Variants in FGF12 observed in about 807,000 individuals in gnomAD.
The protein encoded by FGF12 is fibroblast growth factor 12, also known as fibroblast growth factor 12B.
A neutral mutation model predicts 23.6 loss-of-function variants in FGF12; 14 were observed. The ratio of observed to expected loss-of-function variants is 0.59; its 90% CI spans 0.39 to 0.93. The LOEUF (loss-of-function observed/expected upper bound fraction) is 0.93, where lower values mean the gene tolerates loss of function less well. Among genes scored for constraint, FGF12 ranks in the 40% least tolerant of loss-of-function variants. FGF12 has a pLI of 0.00. For missense variants in FGF12, 175 were observed against 217.8 expected, an observed-to-expected ratio of 0.80 and a Z score of 1.24; for synonymous variants, 62 against 77.3, an observed-to-expected ratio of 0.80 and a Z score of 1.04.
Position 192,170,612 on chromosome 3 carries a change from T to G in FGF12, c.273A>C (p.Glu91Asp). ...TGGAAGAATAGATCACATAGTAGTT[T>G]TCAAACACAGATTCCTTGAATTTGC... ...PECKFKESVF[E>D]NYYVIYSSTL... Residue 91 changes from glutamate to aspartate, a missense_variant, in exon 5 of 6, where the codon GAA (glutamate) becomes GAC (aspartate). Transcript: ENST00000445105. The G allele has an allele frequency of 6.2e-7, 1 of 1,613,516 alleles. No homozygotes were observed. The highest frequency in any genetic ancestry group is 8.5e-7 in the Non-Finnish European group (1 of 1,179,774).
chr3:192,528,639 T>C (rs1381217752), intron 2 of FGF12, among the ~76,000 whole-genome samples: 1 of 152,196 alleles, frequency 6.6e-6, no homozygotes, highest in Non-Finnish European at 1.5e-5. Context: ...GCAGAGGTTC[T>C]CTATGAGAGC....
At chr3:192,597,436 C>G (rs1159658532) in intron 2 of FGF12, among the ~76,000 whole-genome samples, 1 of 151,996 alleles carries the variant, frequency 6.6e-6, no homozygotes, top group Non-Finnish European at 1.5e-5. Context: ...ATGTCAGGTG[C>G]AACATATTGT....
intron 4 of FGF12, among the ~76,000 whole-genome samples, chr3:192,322,929 T>C (rs1716626667): frequency 6.6e-6 from 1 of 152,182 alleles, no homozygotes; most frequent in Non-Finnish European, 1.5e-5. Context: ...TAGGCATTTC[T>C]CAGAAGAAGA....
chr3:192,487,901 G>A, intron 2 of FGF12, among the ~76,000 whole-genome samples: 1 of 152,060 alleles, frequency 6.6e-6, no homozygotes, highest in East Asian at 1.9e-4. Flanking sequence ...AGAGTAGTGG[G>A]ACCTGGGAAG....
rs531443614 is a variant in FGF12, at chr3:192,253,595, A to C, written c.228+81766T>G. 1.2e-3 allele frequency among the ~76,000 whole-genome samples: 177 copies of C among 152,262 alleles called. 2 individuals carry two copies. The highest frequency in any genetic ancestry group is 4.0e-3 in the African/African-American group (168 of 41,592). On this transcript the variant is annotated intron_variant, in intron 4 of 5. Coordinates refer to ENST00000445105, the MANE Select transcript of FGF12 (RefSeq NM_004113.6). Reference sequence around the variant, plus strand: ...CAGAATTACAGAATTATTTTAAAAAATTGAAAAAAGAAAAGGCTGGATGTG... The same window carrying C: ...CAGAATTACAGAATTATTTTAAAAACTTGAAAAAAGAAAAGGCTGGATGTG...
intron 3 of FGF12, among the ~76,000 whole-genome samples, chr3:192,339,909 C>A (rs1717613202): frequency 6.6e-6 from 1 of 152,072 alleles, no homozygotes; most frequent in Admixed American, 6.6e-5. Flanking sequence ...TGGGTTATGA[C>A]AAAAACACGT....
intron 2 of FGF12, among the ~76,000 whole-genome samples, chr3:192,553,737 C>T (rs1235659061): frequency 6.6e-6 from 1 of 152,202 alleles, no homozygotes; most frequent in Non-Finnish European, 1.5e-5. Flanking sequence ...AGAAAACTCC[C>T]ATTTCCTGGC....
chr3:192,203,810 C>A (rs1376994414), intron 4 of FGF12, among the ~76,000 whole-genome samples: 1 of 152,004 alleles, frequency 6.6e-6, no homozygotes, highest in African/African-American at 2.4e-5. Context: ...CACTATGTTG[C>A]CCAGGCTGGT....
At chr3:192,289,892 G>C (rs1408629863) in intron 4 of FGF12, among the ~76,000 whole-genome samples, 1 of 152,120 alleles carries the variant, frequency 6.6e-6, no homozygotes, top group African/African-American at 2.4e-5. Flanking sequence ...AGCTGACAGT[G>C]CCTCATTCAA....
chr3:192,494,828 T>C lies in FGF12; in HGVS notation c.14-134290A>G, dbSNP rs531970733. Among the ~76,000 whole-genome samples the C allele has an allele frequency of 9.4e-5, 13 of 138,248 alleles. No individual in the cohort carries two copies. The East Asian group carries it at 2.7e-3, about 29-fold the overall frequency. 90.7% of individuals were successfully genotyped at this position (138,248 alleles called of 152,430 possible). On this transcript the variant is annotated intron_variant, in intron 2 of 5. Coordinates refer to ENST00000445105, the MANE Select transcript of FGF12 (RefSeq NM_004113.6). ...TACTTGAAAGTGCTGTGGGAAGAAT[T>C]GGAGGGCCTATGCATATATATATAT...
intron 5 of FGF12, among the ~76,000 whole-genome samples, chr3:192,158,742 C>G (rs1375944483): frequency 7.1e-6 from 1 of 140,566 alleles, no homozygotes; most frequent in African/African-American, 2.7e-5. Context: ...TATTCTTCCT[C>G]TTTATTTTCC....
At chr3:192,605,467 TC>T in intron 2 of FGF12, among the ~76,000 whole-genome samples, 1 of 151,448 alleles carries the variant, frequency 6.6e-6, no homozygotes, top group South Asian at 2.1e-4. Context: ...TATTACTAAG[TC>T]CTCAAAAGCA....
At chr3:192,500,067 T>C (rs934061250) in intron 2 of FGF12, among the ~76,000 whole-genome samples, 1 of 152,164 alleles carries the variant, frequency 6.6e-6, no homozygotes, top group Non-Finnish European at 1.5e-5. Context: ...AAGTCCTGCC[T>C]CTGTCAATGT....
chr3:192,185,299 A>G (rs1382190892), intron 4 of FGF12, among the ~76,000 whole-genome samples: 1 of 152,218 alleles, frequency 6.6e-6, no homozygotes, highest in Non-Finnish European at 1.5e-5. Context: ...CACTGAAATA[A>G]GATACTTGCA....
chr3:192,645,193 T>C (rs754210925), intron 2 of FGF12, among the ~76,000 whole-genome samples: 9 of 152,014 alleles, frequency 5.9e-5, no homozygotes, highest in Non-Finnish European at 1.0e-4. Context: ...AACAAAGCAG[T>C]TGACATGGTC....
At chr3:192,390,273 C>T (rs373556992) in intron 2 of FGF12, among the ~76,000 whole-genome samples, 2 of 152,228 alleles carry the variant, frequency 1.3e-5, no homozygotes, top group Non-Finnish European at 2.9e-5. Flanking sequence ...TCATCTTCTC[C>T]GGCCTGGCTC....
At chr3:192,176,321 C>T (rs12486946) in intron 4 of FGF12, among the ~76,000 whole-genome samples, 6,628 of 152,270 alleles carry the variant, frequency 0.044, 188 homozygotes, top group Admixed American at 0.059. Flanking sequence ...CTTCTCATAG[C>T]ATTTGATATT....
intron 2 of FGF12, among the ~76,000 whole-genome samples, chr3:192,672,274 G>A (rs2108695949): frequency 6.6e-6 from 1 of 151,042 alleles, no homozygotes; most frequent in South Asian, 2.1e-4. Context: ...GGGCAACTCT[G>A]GATTTTTATA....
chr3:192,538,154 G>T (rs1254710003), intron 2 of FGF12, among the ~76,000 whole-genome samples: 1 of 151,866 alleles, frequency 6.6e-6, no homozygotes, highest in Non-Finnish European at 1.5e-5. Context: ...CACCATTTTG[G>T]CCAGACTGGT....
Sources: allele counts gnomAD v4.1 joint callset (sites outside exome capture counted in the v4.1 genomes callset), GRCh38; gene constraint gnomAD v4.1.1; transcripts MANE v1.5; gene names NCBI Gene and HGNC (gene_info 2026-07-23, HGNC 2026-07-21).